RBFOX1: variants seen among roughly 807,000 people sequenced by gnomAD.
The protein encoded by RBFOX1 is RNA binding fox-1 homolog 1, also known as RNA binding protein fox-1 homolog 1.
A neutral mutation model predicts 57.7 loss-of-function variants in RBFOX1; 8 were observed. That is an observed-to-expected ratio of 0.14 (90% confidence interval 0.08 to 0.25). RBFOX1 has a LOEUF of 0.25. RBFOX1 is among the 10% of genes least tolerant of loss of function. The pLI is 1.00. For missense variants in RBFOX1, 611 were observed against 548.5 expected, an observed-to-expected ratio of 1.11 and a Z score of -1.14; for synonymous variants, 326 against 222.4, an observed-to-expected ratio of 1.47 and a Z score of -4.15.
intron 2 of RBFOX1, among the ~76,000 whole-genome samples, chr16:6,487,686 AAAAAAAAAAAAAAAATAT>A (rs2095521272): frequency 9.2e-5 from 2 of 21,796 alleles, no homozygotes; most frequent in African/African-American, 2.4e-4. Flanking sequence ...AAAAAAAAAA[AAAAAAAAAAAAAAAATAT>A]ATATATATAT....
At chr16:6,459,282 G>A (rs7190416) in intron 2 of RBFOX1, among the ~76,000 whole-genome samples, 1 of 152,206 alleles carries the variant, frequency 6.6e-6, no homozygotes, top group South Asian at 2.1e-4. Context: ...GTTGCAGTGA[G>A]CCGAGATGGC....
At chr16:6,960,588 A>T (rs1016275662) in intron 3 of RBFOX1, among the ~76,000 whole-genome samples, 1 of 151,716 alleles carries the variant, frequency 6.6e-6, no homozygotes, top group Non-Finnish European at 1.5e-5. Flanking sequence ...CCTCCTTCCA[A>T]ACTCTGCAGA....
chr16:6,033,181 G>A (rs2095314953), intron 1 of RBFOX1, among the ~76,000 whole-genome samples: 1 of 152,162 alleles, frequency 6.6e-6, no homozygotes, highest in African/African-American at 2.4e-5. Flanking sequence ...CTCTATACAG[G>A]AAAAAGATTC....
intron 2 of RBFOX1, among the ~76,000 whole-genome samples, chr16:5,524,466 T>A (rs1005268269): frequency 6.6e-6 from 1 of 152,142 alleles, no homozygotes; most frequent in African/African-American, 2.4e-5. Context: ...TGTCTCTTTA[T>A]AATAGAATGA....
chr16:6,689,583 A>T (rs7191658), intron 3 of RBFOX1, among the ~76,000 whole-genome samples: 6,290 of 152,262 alleles, frequency 0.041, 416 homozygotes, highest in African/African-American at 0.14. Flanking sequence ...TGTCTATGAC[A>T]ATGTCTACTA....
intron 3 of RBFOX1, among the ~76,000 whole-genome samples, chr16:7,002,488 C>T (rs1040096708): frequency 3.3e-5 from 5 of 152,048 alleles, no homozygotes; most frequent in African/African-American, 4.8e-5. Context: ...CTGAGGCAGG[C>T]GGATCATGAG....
intron 3 of RBFOX1, among the ~76,000 whole-genome samples, chr16:5,633,025 A>C (rs1016148595): frequency 7.0e-6 from 1 of 142,226 alleles, no homozygotes; most frequent in African/African-American, 2.7e-5. Flanking sequence ...TGCATCCTCT[A>C]CCTCCCAAGT....
intron 1 of RBFOX1, among the ~76,000 whole-genome samples, chr16:5,351,264 G>A (rs1403222250): frequency 6.6e-6 from 1 of 152,188 alleles, no homozygotes; most frequent in African/African-American, 2.4e-5. Context: ...TAATATGTTT[G>A]TCATCTGTTA....
At chr16:6,563,462 A>G (rs556541813) in intron 2 of RBFOX1, among the ~76,000 whole-genome samples, 8 of 152,234 alleles carry the variant, frequency 5.3e-5, no homozygotes, top group East Asian at 3.9e-4. Flanking sequence ...AAGTCAAAAA[A>G]TTTGGTGCAT....
chr16:7,073,525 T>A (rs2057748131), intron 4 of RBFOX1, among the ~76,000 whole-genome samples: 1 of 152,144 alleles, frequency 6.6e-6, no homozygotes, highest in Non-Finnish European at 1.5e-5. Context: ...ACAATTGAAA[T>A]GTCCAATGGT....
At chr16:7,188,915 A>T (rs1317807127) in intron 4 of RBFOX1, among the ~76,000 whole-genome samples, 2 of 152,132 alleles carry the variant, frequency 1.3e-5, no homozygotes, top group African/African-American at 2.4e-5. Context: ...GGATTGGGGA[A>T]AGTTCTTTGA....
chr16:6,286,714 C>G (rs976262664), intron 1 of RBFOX1, among the ~76,000 whole-genome samples: 1 of 152,132 alleles, frequency 6.6e-6, no homozygotes, highest in African/African-American at 2.4e-5. Context: ...CAACATTGCT[C>G]TAAAACAGGA....
chr16:6,221,065 C>T (rs568394189), intron 1 of RBFOX1, among the ~76,000 whole-genome samples: 45 of 152,062 alleles, frequency 3.0e-4, no homozygotes, highest in South Asian at 1.5e-3. Context: ...AATGCCCCAA[C>T]GGGTAACTTT....
chr16:6,856,915 AAG>A (rs1221709741), intron 3 of RBFOX1, among the ~76,000 whole-genome samples: 2 of 152,148 alleles, frequency 1.3e-5, no homozygotes, highest in East Asian at 3.9e-4. Flanking sequence ...AAAAGAAAGA[AAG>A]AGAAAGAGAA....
chr16:7,564,022 T>C (rs2091086878), intron 5 of RBFOX1, among the ~76,000 whole-genome samples: 2 of 152,126 alleles, frequency 1.3e-5, no homozygotes, highest in African/African-American at 4.8e-5. Flanking sequence ...GTGCAGGTGT[T>C]TGTAGGCGCT....
At chr16:7,062,409 C>G (rs1330695719) in intron 4 of RBFOX1, among the ~76,000 whole-genome samples, 2 of 151,520 alleles carry the variant, frequency 1.3e-5, no homozygotes, top group Non-Finnish European at 1.5e-5. Context: ...ATAGTTAAAC[C>G]TTATTTACCC....
At chr16:7,701,317 G>C (rs1255233343) in intron 14 of RBFOX1, among the ~76,000 whole-genome samples, 2 of 151,794 alleles carry the variant, frequency 1.3e-5, no homozygotes, top group East Asian at 1.9e-4. Context: ...GGTGGGGGGT[G>C]AGCAACGCTT....
intron 4 of RBFOX1, among the ~76,000 whole-genome samples, chr16:5,916,611 T>C (rs2058708999): frequency 6.6e-6 from 1 of 152,056 alleles, no homozygotes; most frequent in Non-Finnish European, 1.5e-5. Flanking sequence ...GGAACTAATT[T>C]CAGGGGAAGC....
At chr16:7,418,259 T>C (rs754681645) in intron 4 of RBFOX1, among the ~76,000 whole-genome samples, 5 of 152,118 alleles carry the variant, frequency 3.3e-5, no homozygotes, top group Admixed American at 2.0e-4. Context: ...TTGCCAGAGG[T>C]AAACCAGGTC....
Sources: gnomAD v4.1 joint callset for allele counts (sites outside exome capture counted in the v4.1 genomes callset) on GRCh38, gnomAD v4.1.1 for gene constraint, MANE v1.5 for transcripts, NCBI Gene and HGNC (gene_info 2026-07-23, HGNC 2026-07-21) for gene names.